Variants in ST7L observed in about 807,000 individuals in gnomAD.
ST7L encodes the protein suppression of tumorigenicity 7 like.
Under a neutral mutation model 72.5 loss-of-function variants are expected in ST7L, and 57 were observed. The observed-to-expected ratio is 0.79, with a 90% CI of 0.64 to 0.98. The LOEUF (loss-of-function observed/expected upper bound fraction) is 0.98, where lower values mean the gene tolerates loss of function less well. ST7L is among the 50% of genes least tolerant of loss of function. The pLI, the probability that ST7L is intolerant of heterozygous loss-of-function variation, is 0.00. For missense variants in ST7L, 576 were observed against 672.2 expected, an observed-to-expected ratio of 0.86 and a Z score of 1.58; for synonymous variants, 221 against 240.9, an observed-to-expected ratio of 0.92 and a Z score of 0.77.
intron 14 of ST7L, chr1:112,539,963 A>G (rs1655843492): frequency 2.0e-6 from 2 of 985,292 alleles, no homozygotes; most frequent in Non-Finnish European, 1.2e-6. Flanking sequence ...GCAGTATATC[A>G]ATAACTTTTG....
rs1197443475 is a variant in ST7L, at chr1:112,584,139, CA to C, written c.702-14del. On this transcript the variant is annotated splice_polypyrimidine_tract_variant and intron_variant, in intron 6 of 14. Coordinates refer to ENST00000358039, the MANE Select transcript of ST7L (RefSeq NM_017744.5). Reference sequence around the variant, plus strand: ...TGCAGTGGCACAGCTATGAAGAAAGCAAGAAGGCAATTTTAAATAAAATGGT... The same window carrying C: ...TGCAGTGGCACAGCTATGAAGAAAGCAGAAGGCAATTTTAAATAAAATGGT... 6.2e-7 allele frequency: 1 copy of C among 1,604,034 alleles called. No individual in the cohort carries two copies. Among genetic ancestry groups the C allele is most frequent in the East Asian group, 2.2e-5 (1 of 44,454 alleles).
At chr1:112,553,485 T>C (rs916490143) in intron 12 of ST7L, among the ~76,000 whole-genome samples, 3 of 152,238 alleles carry the variant, frequency 2.0e-5, no homozygotes, top group African/African-American at 7.2e-5. Context: ...CACTTGTTAA[T>C]AGTGAGTCCA....
chr1:112,584,786 T>C (rs968946808), intron 6 of ST7L, among the ~76,000 whole-genome samples: 2 of 152,056 alleles, frequency 1.3e-5, no homozygotes, highest in African/African-American at 4.8e-5. Flanking sequence ...CCATGCCCGG[T>C]TGATCATACC....
chr1:112,610,607 A>G (rs977195717), intron 3 of ST7L: 2 of 419,614 alleles, frequency 4.8e-6, no homozygotes, highest in Admixed American at 4.3e-5. Flanking sequence ...AGAAGTGGCA[A>G]GCAGCTCTCT....
chr1:112,607,968 GTTA>G (rs1374178778), intron 3 of ST7L, among the ~76,000 whole-genome samples: 3 of 152,076 alleles, frequency 2.0e-5, no homozygotes. Context: ...ATAAGATGAA[GTTA>G]TCCAGGGAGA....
chr1:112,547,838 A>ACAAACG (rs1318947509), intron 13 of ST7L, among the ~76,000 whole-genome samples: 1 of 152,014 alleles, frequency 6.6e-6, no homozygotes, highest in Non-Finnish European at 1.5e-5. Context: ...TGCTGGGATT[A>ACAAACG]CAAACGTGAG....
chr1:112,589,513 C>T (rs1003934969), intron 6 of ST7L, among the ~76,000 whole-genome samples: 1 of 152,184 alleles, frequency 6.6e-6, no homozygotes, highest in Non-Finnish European at 1.5e-5. Context: ...ATAATTTTCT[C>T]TACTCCCTAG....
At position 112,524,775 on chromosome 1, in the gene ST7L, T is replaced by A. The variant is rs1054732621; in HGVS notation, c.*1238A>T. On this transcript the variant is annotated 3_prime_UTR_variant, in exon 15 of 15. Coordinates refer to ENST00000358039, the MANE Select transcript of ST7L (RefSeq NM_017744.5). ...GGTTACACACACACACACAGAGGTG[T>A]ACATATACAGACACATAGAGAACTT... 2.6e-5 allele frequency: 4 copies of A among 152,012 alleles called. No individual in the cohort carries two copies. Among genetic ancestry groups the A allele is most frequent in the African/African-American group, 9.7e-5 (4 of 41,350 alleles). The allele number at this position is 152,012 out of a possible 1,614,324, so 9.4% of individuals were successfully genotyped here. A position where few individuals can be genotyped will look rare whatever the true frequency, so the allele number is the denominator to read the frequency against.
intron 3 of ST7L, among the ~76,000 whole-genome samples, chr1:112,602,713 CTTT>C (rs35617753): frequency 8.3e-6 from 1 of 120,492 alleles, no homozygotes; most frequent in Non-Finnish European, 1.7e-5. Context: ...CATTTTCTTT[CTTT>C]TTTTTTTTTT....
Position 112,584,078 on chromosome 1 carries a change from A to AAT in ST7L, c.748_749dup (p.Val251LeufsTer2). ...GTTTAAATAACCTTTCAGCATCTAC[A>AAT]ATAGTTGTTGCTTCTTCCTCAGCCA... On this transcript the variant is annotated frameshift_variant, in exon 7 of 15. Transcript: ENST00000358039. LOFTEE classifies it high-confidence loss of function. 6.2e-7 allele frequency: 1 copy of AAT among 1,614,070 alleles called. No homozygotes were observed.
At chr1:112,610,579 G>A (rs187626697) in intron 3 of ST7L, 72 of 367,090 alleles carry the variant, frequency 2.0e-4, no homozygotes, top group Middle Eastern at 1.5e-3. Flanking sequence ...GCGCCTTCTC[G>A]TGGTGTCCTC....
chr1:112,549,742 GT>G (rs1355157250), intron 13 of ST7L, among the ~76,000 whole-genome samples: 1 of 152,124 alleles, frequency 6.6e-6, no homozygotes, highest in African/African-American at 2.4e-5. Context: ...AATAAAGAGA[GT>G]TTTACTTCCT....
At chr1:112,574,522 G>A (rs1418297092) in intron 11 of ST7L, among the ~76,000 whole-genome samples, 4 of 151,728 alleles carry the variant, frequency 2.6e-5, no homozygotes, top group South Asian at 2.1e-4. Context: ...AGCCAGGCGT[G>A]GTGGCGGGCG....
Position 112,542,100 on chromosome 1 carries a change from A to C in ST7L, c.1490-10T>G. 1 of 1,579,874 alleles carries C rather than the reference A, an allele frequency of 6.3e-7. No individual in the cohort carries two copies. The highest frequency in any genetic ancestry group is 1.2e-5 in the South Asian group (1 of 85,188). On this transcript the variant is annotated splice_polypyrimidine_tract_variant and intron_variant, in intron 13 of 14. Transcript: ENST00000358039. ...GAAACATGATGAAAGGCTGCAATGG[A>C]GAATAGGTAAGAATCAATTTTATTT... is the stretch of plus-strand genomic sequence containing the variant.
At chr1:112,579,194 C>T (rs1456394073) in intron 9 of ST7L, among the ~76,000 whole-genome samples, 2 of 151,766 alleles carry the variant, frequency 1.3e-5, no homozygotes, top group Non-Finnish European at 2.9e-5. Context: ...ACCAACCTGG[C>T]CAACATAGTG....
chr1:112,555,394 T>A (rs1468959420), intron 12 of ST7L, among the ~76,000 whole-genome samples: 2 of 151,706 alleles, frequency 1.3e-5, no homozygotes, highest in East Asian at 1.9e-4. Context: ...GGAAACCCCA[T>A]CTCTACTAAA....
intron 3 of ST7L, among the ~76,000 whole-genome samples, chr1:112,608,400 C>G (rs934312255): frequency 2.6e-5 from 4 of 152,098 alleles, no homozygotes; most frequent in Non-Finnish European, 4.4e-5. Flanking sequence ...ACTGACCACT[C>G]TTTCTTTTCT....
intron 1 of ST7L, among the ~76,000 whole-genome samples, chr1:112,618,585 C>A (rs1270311837): frequency 3.3e-5 from 5 of 152,142 alleles, no homozygotes; most frequent in African/African-American, 1.2e-4. Flanking sequence ...GTGGGGGAGC[C>A]AATATAAATT....
chr1:112,543,042 C>T (rs1244758641), intron 13 of ST7L, among the ~76,000 whole-genome samples: 4 of 152,030 alleles, frequency 2.6e-5, no homozygotes, highest in East Asian at 3.9e-4. Flanking sequence ...TAAAGTGATC[C>T]GTCCACCTCG....
Sources: allele counts gnomAD v4.1 joint callset (sites outside exome capture counted in the v4.1 genomes callset), GRCh38; gene constraint gnomAD v4.1.1; transcripts MANE v1.5; gene names NCBI Gene and HGNC (gene_info 2026-07-23, HGNC 2026-07-21).